DGCR2: variants seen among roughly 807,000 people sequenced by gnomAD.
The protein encoded by DGCR2 is integral membrane protein DGCR2/IDD.
Under a neutral mutation model 51.6 loss-of-function variants are expected in DGCR2, and 24 were observed. The observed-to-expected ratio is 0.47, with a 90% CI of 0.34 to 0.65. The LOEUF (loss-of-function observed/expected upper bound fraction) is 0.65. Among genes scored for constraint, DGCR2 ranks in the 30% least tolerant of loss-of-function variants. DGCR2 has a pLI of 0.01. For missense variants in DGCR2, 765 were observed against 772.1 expected (o/e 0.99, Z 0.11); for synonymous variants, 340 against 315.4 (o/e 1.08, Z -0.82).
chr22:19,064,890 C>G lies in DGCR2; in HGVS notation c.506G>C (p.Trp169Ser), dbSNP rs1448462284. 6.2e-7 allele frequency: 1 copy of G among 1,613,950 alleles called. No homozygotes were observed. ...ACCAAAGCTCCGCTCGGGCTGGTCCCATTCCTGGGCCAGGACAAAGCGCAG... is the reference window on the plus strand; with the variant it reads ...ACCAAAGCTCCGCTCGGGCTGGTCCGATTCCTGGGCCAGGACAAAGCGCAG... ...QELRFVLAQE[W>S]DQPERSFGWK... The change falls in exon 4 of 10, where the codon TGG (tryptophan) becomes TCG (serine). Residue 169 changes from tryptophan to serine, a missense_variant. Physicochemically the swap from Trp to Ser is radical, Grantham distance 177. Transcript: ENST00000263196.
At chr22:19,086,753 G>GAAAAA in intron 2 of DGCR2, among the ~76,000 whole-genome samples, 3 of 152,114 alleles carry the variant, frequency 2.0e-5, no homozygotes, top group African/African-American at 7.2e-5. Flanking sequence ...TCTGTCTAGG[G>GAAAAA]AAAACATATG....
chr22:19,042,005 C>A lies in DGCR2; in HGVS notation c.1007-46G>T, dbSNP rs750610562. The A allele has an allele frequency of 2.5e-6, 4 of 1,585,566 alleles. No homozygotes were observed. In the South Asian group the frequency reaches 3.5e-5, roughly 14 times the overall value. ...TGGCCGCTCTGAGAAGGGGGCCACC[C>A]TCGTGCTACGCTGGGGATGCTGTCG... On this transcript the variant is annotated intron_variant, in intron 7 of 9. Coordinates refer to ENST00000263196, the MANE Select transcript of DGCR2 (RefSeq NM_005137.3).
At chr22:19,084,437 C>T (rs1374179471) in intron 2 of DGCR2, among the ~76,000 whole-genome samples, 21 of 150,172 alleles carry the variant, frequency 1.4e-4, no homozygotes, top group South Asian at 1.1e-3. Context: ...GGAGCCCCTC[C>T]GCCCGGCAGC....
intron 5 of DGCR2, among the ~76,000 whole-genome samples, chr22:19,062,774 T>TTTTTTCTC (rs1569052709): frequency 1.2e-4 from 14 of 113,862 alleles, no homozygotes; most frequent in Non-Finnish European, 1.5e-4. Context: ...CACACATGCA[T>TTTTTTCTC]GCTCACTCTC....
At chr22:19,073,491 CTTTCCCT>C (rs2082839397) in intron 2 of DGCR2, among the ~76,000 whole-genome samples, 1 of 152,118 alleles carries the variant, frequency 6.6e-6, no homozygotes, top group South Asian at 2.1e-4. Flanking sequence ...AAAGTGACCC[CTTTCCCT>C]AAGCTGTAAG....
chr22:19,062,782 C>CTGTCTCTCTCTCTG (rs2082690010), intron 5 of DGCR2, among the ~76,000 whole-genome samples: 3 of 135,362 alleles, frequency 2.2e-5, no homozygotes, highest in Non-Finnish European at 4.9e-5. Context: ...CATGCTCACT[C>CTGTCTCTCTCTCTG]TCTCTCTCTC....
At chr22:19,044,872 C>T (rs1363908227) in intron 7 of DGCR2, among the ~76,000 whole-genome samples, 3 of 152,198 alleles carry the variant, frequency 2.0e-5, no homozygotes, top group African/African-American at 4.8e-5. Flanking sequence ...ATTCTGAATA[C>T]AGACCTTTGA....
intron 6 of DGCR2, among the ~76,000 whole-genome samples, chr22:19,050,285 C>CT (rs1167972437): frequency 6.6e-6 from 1 of 152,234 alleles, no homozygotes; most frequent in African/African-American, 2.4e-5. Flanking sequence ...AAACAACTGA[C>CT]TTCTCAGCAG....
At chr22:19,048,761 T>C in intron 6 of DGCR2, 118 bp from the exon 7 acceptor site, 1 of 992,058 alleles carries the variant, frequency 1.0e-6, no homozygotes, top group Non-Finnish European at 1.5e-6. Flanking sequence ...ATGCTACCTG[T>C]TACCTTAGAA....
chr22:19,069,867 C>T (rs970770975), intron 2 of DGCR2, among the ~76,000 whole-genome samples: 1 of 152,134 alleles, frequency 6.6e-6, no homozygotes, highest in Non-Finnish European at 1.5e-5. Context: ...GGTTGCTATT[C>T]GACTGGGAAT....
chr22:19,101,507 G>A (rs140488138), intron 1 of DGCR2, among the ~76,000 whole-genome samples: 2,547 of 152,086 alleles, frequency 0.017, 75 homozygotes, highest in African/African-American at 0.059. Flanking sequence ...TTGGGAGGCC[G>A]AGGTGGGCGG....
At chr22:19,063,061 C>T (rs62221718) in intron 5 of DGCR2, 141 bp downstream of exon 5, 1 of 727,898 alleles carries the variant, frequency 1.4e-6, no homozygotes, top group Non-Finnish European at 2.3e-6. Context: ...GACCGCAGCC[C>T]TCCCTGCAAC....
chr22:19,073,266 C>A (rs111687781), intron 2 of DGCR2, among the ~76,000 whole-genome samples: 208 of 149,376 alleles, frequency 1.4e-3, no homozygotes, highest in African/African-American at 4.2e-3. Flanking sequence ...GTCACACACA[C>A]AAAAAAAAAC....
chr22:19,104,161 C>A (rs1258846835), intron 1 of DGCR2, among the ~76,000 whole-genome samples: 1 of 152,084 alleles, frequency 6.6e-6, no homozygotes, highest in African/African-American at 2.4e-5. Context: ...GCAAATGACA[C>A]CTCAGTATTA....
chr22:19,120,313 G>A (rs1208093899), intron 1 of DGCR2, among the ~76,000 whole-genome samples: 3 of 152,086 alleles, frequency 2.0e-5, no homozygotes, highest in Non-Finnish European at 2.9e-5. Flanking sequence ...CTCCTGTGAC[G>A]CCCTCACTGC....
At chr22:19,104,452 T>C (rs775331664) in intron 1 of DGCR2, among the ~76,000 whole-genome samples, 48 of 152,232 alleles carry the variant, frequency 3.2e-4, no homozygotes, top group Admixed American at 1.2e-3. Flanking sequence ...TTGTTTAGAA[T>C]TGATTTCTCT....
intron 1 of DGCR2, among the ~76,000 whole-genome samples, chr22:19,107,437 G>A (rs2083270976): frequency 6.6e-6 from 1 of 152,178 alleles, no homozygotes; most frequent in South Asian, 2.1e-4. Flanking sequence ...TAAATAACAA[G>A]CATTTTCTAC....
In DGCR2 at chr22:19,057,013, C is replaced by T. The variant is rs778692370; in HGVS notation, c.775G>A (p.Glu259Lys). The change falls in exon 6 of 10, where the codon GAG becomes AAG. Residue 259 changes from glutamate (E) to lysine (K), a missense_variant. Transcript: ENST00000263196. The surrounding 1 kb of genome is among the most constrained non-coding windows in gnomAD (Gnocchi z 5.1). Reference sequence around the variant, plus strand: ...CTTTTACACAGAAATGAAGACTTCTCGTAGCAGCTCTCGGCGTGCCAGCTG... The same window carrying T: ...CTTTTACACAGAAATGAAGACTTCTTGTAGCAGCTCTCGGCGTGCCAGCTG... ...LHSWHAESCY[E>K]KSSFLCKRSQ... 5.0e-6 allele frequency: 8 copies of T among 1,591,224 alleles called. No individual in the cohort carries two copies. The highest frequency in any genetic ancestry group is 3.6e-5 in the Admixed American group (2 of 55,932).
chr22:19,112,418 TG>T (rs2083326977), intron 1 of DGCR2, among the ~76,000 whole-genome samples: 1 of 145,944 alleles, frequency 6.9e-6, no homozygotes, highest in African/African-American at 2.5e-5. Context: ...TTAATAAACA[TG>T]GTTTCAAATC....
Sources: allele counts gnomAD v4.1 joint callset (sites outside exome capture counted in the v4.1 genomes callset), GRCh38; gene constraint gnomAD v4.1.1; non-coding constraint Gnocchi (gnomAD v3.1); transcripts MANE v1.5; gene names NCBI Gene and HGNC (gene_info 2026-07-23, HGNC 2026-07-21).